HMCN2: variants seen among roughly 807,000 people sequenced by gnomAD.
HMCN2 encodes hemicentin-2.
A neutral mutation model predicts 377.5 loss-of-function variants in HMCN2; 325 were observed. The observed-to-expected ratio is 0.86, with a 90% CI of 0.79 to 0.94. The LOEUF is 0.94. Ranked by LOEUF, HMCN2 falls within the 40% of genes least tolerant of loss-of-function variation. The probability of loss-of-function intolerance (pLI) is 0.00; values close to 1 mark genes in which losing one functional copy is unlikely to be tolerated. For synonymous variants in HMCN2, 2,007 were observed against 2,046.8 expected (o/e 0.98, Z 0.53); for missense variants, 4,543 against 4,725.3 (o/e 0.96, Z 1.13).
chr9:130,412,900 T>C (rs1437324912), intron 85 of HMCN2, among the ~76,000 whole-genome samples: 1 of 152,232 alleles, frequency 6.6e-6, no homozygotes, highest in Non-Finnish European at 1.5e-5. Context: ...TTTGTAGTTT[T>C]AGTTCTCACA....
At chr9:130,366,909 A>G (rs984401161) in intron 43 of HMCN2, among the ~76,000 whole-genome samples, 1 of 149,764 alleles carries the variant, frequency 6.7e-6, no homozygotes, top group Non-Finnish European at 1.5e-5. Flanking sequence ...GATAAATGCT[A>G]TGGAGAAAAA....
Position 130,433,801 on chromosome 9 carries a change from G to A in HMCN2, c.*108G>A, listed in dbSNP as rs1287038553. 6.5e-6 allele frequency: 6 copies of A among 929,490 alleles called. No homozygotes were observed. The highest frequency in any genetic ancestry group is 7.6e-6 in the Non-Finnish European group (5 of 661,740). The allele number at this position is 929,490 out of a possible 1,614,324, so 57.6% of individuals were successfully genotyped here. A position where few individuals can be genotyped will look rare whatever the true frequency, so the allele number is the denominator to read the frequency against. The stretch of plus-strand genomic sequence containing the variant: ...GGCAAGCGGAGCGTCATCGTCTCCC[G>A]CCCCGTGCGTCAGCGAGACCTTGGG... On this transcript the variant is annotated 3_prime_UTR_variant, in exon 98 of 98. Coordinates refer to ENST00000683500, the MANE Select transcript of HMCN2 (RefSeq NM_001291815.2).
At chr9:130,267,819 A>C (rs1411812511) in intron 1 of HMCN2, among the ~76,000 whole-genome samples, 4 of 152,152 alleles carry the variant, frequency 2.6e-5, no homozygotes, top group Admixed American at 6.5e-5. Flanking sequence ...GGGGGCAACC[A>C]AGCTGGGGGT....
intron 1 of HMCN2, among the ~76,000 whole-genome samples, chr9:130,271,297 C>T (rs1263147278): frequency 2.0e-5 from 3 of 148,762 alleles, no homozygotes; most frequent in African/African-American, 4.9e-5. Flanking sequence ...GTGCAGCCCA[C>T]GTTTAAAAAG....
intron 1 of HMCN2, among the ~76,000 whole-genome samples, chr9:130,268,731 G>T (rs1174403202): frequency 1.3e-5 from 2 of 149,180 alleles, no homozygotes; most frequent in Non-Finnish European, 3.0e-5. Flanking sequence ...GAGCTGGCTG[G>T]GTAAGGACCG....
intron 74 of HMCN2, among the ~76,000 whole-genome samples, chr9:130,398,310 G>C (rs1159619599): frequency 1.3e-5 from 2 of 152,138 alleles, no homozygotes; most frequent in Non-Finnish European, 2.9e-5. Flanking sequence ...GATGGGAGTG[G>C]AGGCCTGGAG....
At chr9:130,296,634 G>A (rs1472471010) in intron 6 of HMCN2, 40 bp from the exon 7 acceptor site, 5 of 468,368 alleles carry the variant, frequency 1.1e-5, no homozygotes, top group African/African-American at 1.0e-4. Context: ...GAGTGCTGGG[G>A]TCCCATCCTC....
chr9:130,416,214 C>T (rs979410846), intron 85 of HMCN2, among the ~76,000 whole-genome samples: 1 of 150,958 alleles, frequency 6.6e-6, no homozygotes, highest in Non-Finnish European at 1.5e-5. Context: ...AAGAGATTCT[C>T]CTGCCTCAGC....
At chr9:130,408,545 C>T (rs1350726777) in intron 83 of HMCN2, among the ~76,000 whole-genome samples, 198 bp from the exon 84 acceptor site, 1 of 152,226 alleles carries the variant, frequency 6.6e-6, no homozygotes, top group African/African-American at 2.4e-5. Context: ...AAAGTCTTTG[C>T]CAGTCTTTGT....
chr9:130,433,906 T>A lies in HMCN2; in HGVS notation c.*213T>A. Reference sequence around the variant, plus strand: ...AGAGGGAGGCGTCCAGGGCGGCCCTTGGGTGGCCAGTCCCGCAGGCAGGGC... The same window carrying A: ...AGAGGGAGGCGTCCAGGGCGGCCCTAGGGTGGCCAGTCCCGCAGGCAGGGC... On this transcript the variant is annotated 3_prime_UTR_variant, in exon 98 of 98. Coordinates refer to ENST00000683500, the MANE Select transcript of HMCN2 (RefSeq NM_001291815.2). 2.1e-6 allele frequency: 1 copy of A among 474,200 alleles called. No individual in the cohort carries two copies. The highest frequency in any genetic ancestry group is 3.6e-6 in the Non-Finnish European group (1 of 275,252). 29.4% of individuals were successfully genotyped at this position (474,200 alleles called of 1,614,324 possible).
rs1253826128 is a variant in HMCN2, at chr9:130,351,428, T to C, written c.4436T>C (p.Val1479Ala). The C allele has an allele frequency of 7.7e-7, 1 of 1,304,018 alleles. No homozygotes were observed. The highest frequency in any genetic ancestry group is 1.0e-6 in the Non-Finnish European group (1 of 988,780). 80.8% of individuals were successfully genotyped at this position (1,304,018 alleles called of 1,614,324 possible). A position where few individuals can be genotyped will look rare whatever the true frequency, so the allele number is the denominator to read the frequency against. ...TCCCTTGCCCGTCTCTCCAGGCCTG[T>C]CCTTCCGGGAGGCCCTCACCTGCAG... ...QVEWTKDRQPVLPGGPHLQVQ... is the reference protein window; with the variant it reads ...QVEWTKDRQPALPGGPHLQVQ... The change falls in exon 30 of 98, where the codon GTC becomes GCC. Residue 1479 changes from valine to alanine, a missense_variant. Coordinates refer to ENST00000683500, the MANE Select transcript of HMCN2 (RefSeq NM_001291815.2). This position sits in a 1 kb window ranked among gnomAD's most constrained non-coding sequence, Gnocchi z 5.4.
chr9:130,346,771 G>A (rs1839413968), intron 25 of HMCN2, among the ~76,000 whole-genome samples: 4 of 152,090 alleles, frequency 2.6e-5, no homozygotes, highest in Admixed American at 2.6e-4. Context: ...CAGAGACCTG[G>A]AGCATAGACG....
intron 85 of HMCN2, among the ~76,000 whole-genome samples, chr9:130,417,520 T>G: frequency 1.7e-5 from 1 of 60,330 alleles, no homozygotes; most frequent in African/African-American, 7.2e-5. Flanking sequence ...AGACTCCGTC[T>G]CAAAAAAAAA....
At chr9:130,377,046 G>A (rs996347528) in intron 52 of HMCN2, among the ~76,000 whole-genome samples, 3 of 152,112 alleles carry the variant, frequency 2.0e-5, no homozygotes, top group Admixed American at 6.5e-5. Flanking sequence ...TCATCTGCCC[G>A]CCTTGGCCTC....
intron 81 of HMCN2, 65 bp downstream of exon 81, chr9:130,405,124 G>A: frequency 3.6e-6 from 4 of 1,126,638 alleles, no homozygotes; most frequent in Non-Finnish European, 4.6e-6. Context: ...GTCATGCTCT[G>A]CGCTGAGCAC....
At chr9:130,341,746 T>G (rs1839056819) in intron 24 of HMCN2, among the ~76,000 whole-genome samples, 1 of 152,072 alleles carries the variant, frequency 6.6e-6, no homozygotes, top group South Asian at 2.1e-4. Context: ...TCACCTACAC[T>G]CTCTGACCCC....
At chr9:130,357,716 C>G in intron 34 of HMCN2, 118 bp from the exon 35 acceptor site, 1 of 649,838 alleles carries the variant, frequency 1.5e-6, no homozygotes, top group Non-Finnish European at 2.3e-6. Flanking sequence ...TAGATGCTAG[C>G]CTTTGGCCAG....
chr9:130,365,844 C>A (rs1236231653), intron 42 of HMCN2, 32 bp from the exon 43 acceptor site: 18 of 984,950 alleles, frequency 1.8e-5, no homozygotes, highest in Non-Finnish European at 2.2e-5. Context: ...CTCAGCCCCA[C>A]CCCCACTAAC....
At chr9:130,411,598 C>CAAAA (rs35719589) in intron 85 of HMCN2, among the ~76,000 whole-genome samples, 6 of 97,684 alleles carry the variant, frequency 6.1e-5, no homozygotes, top group Non-Finnish European at 5.6e-5. Flanking sequence ...GACTCAATCT[C>CAAAA]AAAAAAAAAA....
Sources: gnomAD v4.1 joint callset for allele counts (sites outside exome capture counted in the v4.1 genomes callset) on GRCh38, gnomAD v4.1.1 for gene constraint, Gnocchi (gnomAD v3.1) non-coding constraint, MANE v1.5 for transcripts, NCBI Gene and HGNC (gene_info 2026-07-23, HGNC 2026-07-21) for gene names.